MED12L: variants seen among roughly 807,000 people sequenced by gnomAD.
The protein encoded by MED12L is mediator complex subunit 12L.
Under a neutral mutation model 281.3 loss-of-function variants are expected in MED12L, and 60 were observed. The observed-to-expected ratio is 0.21, with a 90% CI of 0.17 to 0.26. MED12L has a LOEUF of 0.26. Among genes scored for constraint, MED12L ranks in the 10% least tolerant of loss-of-function variants. MED12L has a pLI of 1.00. For missense variants in MED12L, 2,146 were observed against 2,680.9 expected, an observed-to-expected ratio of 0.80 and a Z score of 4.41; for synonymous variants, 974 against 987.2, an observed-to-expected ratio of 0.99 and a Z score of 0.25.
intron 16 of MED12L, among the ~76,000 whole-genome samples, chr3:151,241,508 A>T (rs1014152471): frequency 6.6e-6 from 1 of 152,114 alleles, no homozygotes; most frequent in Non-Finnish European, 1.5e-5. Context: ...CCTATAATGG[A>T]TGGGACTGAT....
chr3:151,294,783 T>C (rs539226400), intron 16 of MED12L: 1 of 1,614,162 alleles, frequency 6.2e-7, no homozygotes, highest in African/African-American at 1.3e-5. Flanking sequence ...GTGAAGGTTA[T>C]GCTGTACATC....
chr3:151,256,836 G>A (rs1403982161), intron 16 of MED12L, among the ~76,000 whole-genome samples: 1 of 149,356 alleles, frequency 6.7e-6, no homozygotes, highest in African/African-American at 2.5e-5. Context: ...TTTCTTGGTG[G>A]GAAATGACAG....
chr3:151,302,995 T>C (rs1025905211), intron 16 of MED12L, among the ~76,000 whole-genome samples: 10 of 152,174 alleles, frequency 6.6e-5, no homozygotes, highest in African/African-American at 2.4e-4. Context: ...ACAACTATGA[T>C]GCCCAGGTTG....
At chr3:151,405,282 C>T (rs1716163452) in intron 39 of MED12L, among the ~76,000 whole-genome samples, 1 of 152,176 alleles carries the variant, frequency 6.6e-6, no homozygotes, top group Admixed American at 6.5e-5. Flanking sequence ...TAGGAATTTA[C>T]CTCAGGTAGC....
rs1175384127 is a variant in MED12L, at chr3:151,433,380, A to T, written c.*576A>T. On this transcript the variant is annotated 3_prime_UTR_variant, in exon 45 of 45. Transcript: ENST00000687756. ...TAAACTTTGTTCTTATTTATGTAGG[A>T]CTCTTCTTTGCTTTTGTTGTGGTCA... The T allele has an allele frequency of 1.3e-5, 2 of 152,296 alleles. No individual in the cohort carries two copies. Among genetic ancestry groups the T allele is most frequent in the African/African-American group, 4.8e-5 (2 of 41,322 alleles). 9.4% of individuals were successfully genotyped at this position (152,296 alleles called of 1,614,324 possible). A position where few individuals can be genotyped will look rare whatever the true frequency, so the allele number is the denominator to read the frequency against.
intron 14 of MED12L, among the ~76,000 whole-genome samples, chr3:151,191,930 AC>A (rs1724040407): frequency 1.3e-5 from 2 of 152,086 alleles, no homozygotes; most frequent in African/African-American, 4.8e-5. Context: ...AAAAAAAAAA[AC>A]ACCTCACAGT....
intron 2 of MED12L, among the ~76,000 whole-genome samples, chr3:151,111,260 A>G (rs961717785): frequency 6.6e-6 from 1 of 152,222 alleles, no homozygotes; most frequent in African/African-American, 2.4e-5. Flanking sequence ...AGCAATGCTA[A>G]TTGCCAGCCA....
intron 40 of MED12L, among the ~76,000 whole-genome samples, chr3:151,410,355 A>G (rs1716802811): frequency 6.6e-6 from 1 of 152,240 alleles, no homozygotes; most frequent in South Asian, 2.1e-4. Flanking sequence ...CTATGTCCAC[A>G]GCTGAAAGAA....
chr3:151,158,941 T>G (rs565293713), intron 7 of MED12L, 142 bp downstream of exon 7: 1 of 655,592 alleles, frequency 1.5e-6, no homozygotes, highest in South Asian at 1.8e-5. Context: ...CTATAACACA[T>G]GAAGTGATAA....
At chr3:151,308,217 G>GT (rs1746980746) in intron 16 of MED12L, among the ~76,000 whole-genome samples, 1 of 151,960 alleles carries the variant, frequency 6.6e-6, no homozygotes, top group African/African-American at 2.4e-5. Flanking sequence ...TTTTAACTCA[G>GT]TAAGTTGTAA....
At chr3:151,387,672 A>G in intron 36 of MED12L, 138 bp from the exon 37 acceptor site, 1 of 954,592 alleles carries the variant, frequency 1.0e-6, no homozygotes. Context: ...TAGCTGTGTA[A>G]CCCTCTCTGC....
At chr3:151,246,326 CA>C (rs1310088414) in intron 16 of MED12L, among the ~76,000 whole-genome samples, 1 of 151,950 alleles carries the variant, frequency 6.6e-6, no homozygotes, top group Admixed American at 6.6e-5. Context: ...AATCCTAAGC[CA>C]AAAGAACAAA....
chr3:151,118,966 T>C (rs1713309623), intron 3 of MED12L, among the ~76,000 whole-genome samples: 1 of 152,218 alleles, frequency 6.6e-6, no homozygotes, highest in African/African-American at 2.4e-5. Flanking sequence ...GGATTACAGA[T>C]GTGAGCCACT....
chr3:151,250,412 G>T (rs1736608597), intron 16 of MED12L, among the ~76,000 whole-genome samples: 1 of 152,080 alleles, frequency 6.6e-6, no homozygotes, highest in South Asian at 2.1e-4. Context: ...CTAAAATTCT[G>T]TACCCATTAA....
intron 42 of MED12L, among the ~76,000 whole-genome samples, chr3:151,415,512 A>G (rs1051985501): frequency 2.0e-5 from 3 of 152,218 alleles, no homozygotes; most frequent in Admixed American, 2.0e-4. Context: ...CCATATGGCA[A>G]TAGCTATTTA....
intron 5 of MED12L, among the ~76,000 whole-genome samples, chr3:151,137,596 G>T (rs570593151): frequency 6.6e-6 from 1 of 152,074 alleles, no homozygotes; most frequent in Non-Finnish European, 1.5e-5. Flanking sequence ...CATGTATGTG[G>T]GGGTTTTCCT....
intron 16 of MED12L, chr3:151,241,926 CGAGCCGAA>C (rs1734192827): frequency 6.5e-6 from 1 of 153,024 alleles, no homozygotes; most frequent in African/African-American, 2.4e-5. Context: ...AGTGGGTGCG[CGAGCCGAA>C]GCAGGGCGAG....
At chr3:151,198,622 A>G in intron 16 of MED12L, 1 of 1,614,022 alleles carries the variant, frequency 6.2e-7, no homozygotes. Flanking sequence ...TTGAGCAATC[A>G]GTTATGACTT....
In MED12L at chr3:151,368,727, T is replaced by G. The variant is rs373869453; in HGVS notation, c.3550+476T>G. Among the ~76,000 whole-genome samples the G allele has an allele frequency of 1.1e-3, 100 of 89,758 alleles. 2 individuals are homozygous for G. In the South Asian group the frequency reaches 0.016, roughly 15 times the overall value. 58.9% of individuals were successfully genotyped at this position (89,758 alleles called of 152,430 possible). A position where few individuals can be genotyped will look rare whatever the true frequency, so the allele number is the denominator to read the frequency against. ...TTCATTTCATTTCATTTCATTTCAT[T>G]TCATTTCATTTCATTTCATTTCATG... On this transcript the variant is annotated intron_variant, in intron 25 of 44. Coordinates refer to ENST00000687756, the MANE Select transcript of MED12L (RefSeq NM_001393769.1).
Sources: allele counts gnomAD v4.1 joint callset (sites outside exome capture counted in the v4.1 genomes callset), GRCh38; gene constraint gnomAD v4.1.1; transcripts MANE v1.5; gene names NCBI Gene and HGNC (gene_info 2026-07-23, HGNC 2026-07-21).